The following DRAXIN variants were observed in gnomAD, a reference collection of about 807,000 sequenced individuals.
DRAXIN encodes dorsal inhibitory axon guidance protein, also known as dorsal repulsive axon guidance protein.
DRAXIN carries 27 observed loss-of-function variants against 33.9 expected under a neutral mutation model. That is an observed-to-expected ratio of 0.80 (90% CI 0.59 to 1.10). DRAXIN has a LOEUF of 1.10. Among genes scored for constraint, DRAXIN ranks in the 50% least tolerant of loss-of-function variants. The pLI, the probability that DRAXIN is intolerant of heterozygous loss-of-function variation, is 0.00. For missense variants in DRAXIN, 371 were observed against 460.8 expected, an observed-to-expected ratio of 0.81 and a Z score of 1.78; for synonymous variants, 178 against 194.0, an observed-to-expected ratio of 0.92 and a Z score of 0.69.
chr1:11,706,817 G>A lies in DRAXIN; in HGVS notation c.451+108G>A, dbSNP rs1641391164. 1 of 1,288,764 alleles carries A rather than the reference G, an allele frequency of 7.8e-7. No individual in the cohort carries two copies. Among genetic ancestry groups the A allele is most frequent in the African/African-American group, 1.5e-5 (1 of 67,006 alleles). The allele number at this position is 1,288,764 out of a possible 1,614,324, so 79.8% of individuals were successfully genotyped here. A position where few individuals can be genotyped will look rare whatever the true frequency, so the allele number is the denominator to read the frequency against. ...TCAGGGGCATGAGGTCCAGAGGAGAGGAGGGGTCTCACTGAAGCCAGAGGG... is the reference window on the plus strand; with the variant it reads ...TCAGGGGCATGAGGTCCAGAGGAGAAGAGGGGTCTCACTGAAGCCAGAGGG... On this transcript the variant is annotated intron_variant, in intron 2 of 6. Transcript: ENST00000294485. This position sits in a 1 kb window ranked among gnomAD's most constrained non-coding sequence, Gnocchi z 5.5.
chr1:11,693,965 A>AGT (rs1641150076), intron 1 of DRAXIN, among the ~76,000 whole-genome samples: 1 of 152,082 alleles, frequency 6.6e-6, no homozygotes, highest in African/African-American at 2.4e-5. Flanking sequence ...AGAACTGACC[A>AGT]TCTCCACAGT....
chr1:11,719,783 G>T lies in DRAXIN; in HGVS notation c.*87G>T. The T allele has an allele frequency of 8.4e-7, 1 of 1,190,670 alleles. No homozygotes were observed. Among genetic ancestry groups the T allele is most frequent in the East Asian group, 2.6e-5 (1 of 39,140 alleles). 73.8% of individuals were successfully genotyped at this position (1,190,670 alleles called of 1,614,324 possible). Reference sequence around the variant, plus strand: ...AACTAGCAGTGGGAGATCAAGTTGGGGAACAGATGGCTGAGGCTGCAGACT... The same window carrying T: ...AACTAGCAGTGGGAGATCAAGTTGGTGAACAGATGGCTGAGGCTGCAGACT... On this transcript the variant is annotated 3_prime_UTR_variant, in exon 7 of 7. Transcript: ENST00000294485.
rs1459363562 is a variant in DRAXIN, at chr1:11,692,316, C to T, written c.-11+463C>T. ...CGTTGGAAGAAGTCTTCGAAGACTCCCTGAGCCCCGGGCAGAGCTGGCGGG... is the reference window on the plus strand; with the variant it reads ...CGTTGGAAGAAGTCTTCGAAGACTCTCTGAGCCCCGGGCAGAGCTGGCGGG... On this transcript the variant is annotated intron_variant, in intron 1 of 6. Transcript: ENST00000294485. This position sits in a 1 kb window ranked among gnomAD's most constrained non-coding sequence, Gnocchi z 5.8. Among the ~76,000 whole-genome samples, 1 of 152,148 alleles carries T rather than the reference C, an allele frequency of 6.6e-6. No individual in the cohort carries two copies. The highest frequency in any genetic ancestry group is 2.4e-5 in the African/African-American group (1 of 41,452).
rs954713694 is a variant in DRAXIN, at chr1:11,724,389, C to G, written c.*4693C>G. 1 of 152,370 alleles carries G rather than the reference C, an allele frequency of 6.6e-6. No individual in the cohort carries two copies. The highest frequency in any genetic ancestry group is 2.4e-5 in the African/African-American group (1 of 41,464). The allele number at this position is 152,370 out of a possible 1,614,324, so 9.4% of individuals were successfully genotyped here. A position where few individuals can be genotyped will look rare whatever the true frequency, so the allele number is the denominator to read the frequency against. ...ATCCCAGGAATACCTGCTGTTCCCA[C>G]AGGGCTGCCTTTCCGTAGTTTGTCT... On this transcript the variant is annotated 3_prime_UTR_variant, in exon 7 of 7. Transcript: ENST00000294485.
At chr1:11,708,199 G>A (rs1641421040) in intron 2 of DRAXIN, among the ~76,000 whole-genome samples, 1 of 152,248 alleles carries the variant, frequency 6.6e-6, no homozygotes, top group African/African-American at 2.4e-5. Flanking sequence ...GCTGGGCTCC[G>A]GCTCCGCCAG....
At chr1:11,700,803 T>C (rs1002362461) in intron 1 of DRAXIN, among the ~76,000 whole-genome samples, 4 of 152,188 alleles carry the variant, frequency 2.6e-5, no homozygotes, top group Non-Finnish European at 5.9e-5. Flanking sequence ...GGGACCCGCC[T>C]TGGCCAGCCA....
intron 1 of DRAXIN, among the ~76,000 whole-genome samples, chr1:11,699,178 A>G (rs980142413): frequency 6.6e-6 from 1 of 152,158 alleles, no homozygotes; most frequent in Non-Finnish European, 1.5e-5. Context: ...ACCTAATCCA[A>G]TGGCCCAGTG....
intron 3 of DRAXIN, among the ~76,000 whole-genome samples, chr1:11,711,290 G>A (rs1191045528): frequency 6.6e-6 from 1 of 152,244 alleles, no homozygotes; most frequent in East Asian, 1.9e-4. Flanking sequence ...CAGCCTAGAA[G>A]GTGCGGTTCC....
At chr1:11,689,023 C>A (rs1369953077), upstream of DRAXIN, among the ~76,000 whole-genome samples, 1 of 152,186 alleles carries the variant, frequency 6.6e-6, no homozygotes, top group Admixed American at 6.5e-5. Context: ...AGGCCAGGCA[C>A]ACTGGCTTAC....
chr1:11,693,277 C>T lies in DRAXIN; in HGVS notation c.-11+1424C>T, dbSNP rs114794348. On this transcript the variant is annotated intron_variant, in intron 1 of 6. Coordinates refer to ENST00000294485, the MANE Select transcript of DRAXIN (RefSeq NM_198545.4). ...CAACAACTGATCACCCATCAGAAGG[C>T]GTCCGGTGACTCACCCCCAATTCTG... Among the ~76,000 whole-genome samples the T allele has an allele frequency of 5.0e-3, 762 of 152,134 alleles. 7 individuals carry two copies. The highest frequency in any genetic ancestry group is 0.017 in the African/African-American group (726 of 41,500).
In DRAXIN at chr1:11,706,430, C is replaced by A. The variant is rs533314493; in HGVS notation, c.172C>A (p.Arg58Ser). ...ALWTPQASHHRRRGPGKKEWG... is the reference protein window; with the variant it reads ...ALWTPQASHHSRRGPGKKEWG... ...GTGGACGCCTCAGGCCAGCCACCACCGCCGGCGGGGCCCGGGCAAGAAGGA... is the reference window on the plus strand; with the variant it reads ...GTGGACGCCTCAGGCCAGCCACCACAGCCGGCGGGGCCCGGGCAAGAAGGA... The change falls in exon 2 of 7, where the codon CGC becomes AGC. Residue 58 changes from arginine to serine, a missense_variant. Transcript: ENST00000294485. The surrounding 1 kb of genome is among the most constrained non-coding windows in gnomAD (Gnocchi z 5.5). 8 of 1,611,888 alleles carry A rather than the reference C, an allele frequency of 5.0e-6. No homozygotes were observed. The highest frequency in any genetic ancestry group is 5.1e-6 in the Non-Finnish European group (6 of 1,179,522).
chr1:11,706,825 CT>C lies in DRAXIN; in HGVS notation c.451+117del. On this transcript the variant is annotated intron_variant, in intron 2 of 6. Coordinates refer to ENST00000294485, the MANE Select transcript of DRAXIN (RefSeq NM_198545.4). The surrounding 1 kb of genome is among the most constrained non-coding windows in gnomAD (Gnocchi z 5.5). ...ATGAGGTCCAGAGGAGAGGAGGGGT[CT>C]CACTGAAGCCAGAGGGACCTGGTAA... is the stretch of plus-strand genomic sequence containing the variant. 8.3e-7 allele frequency: 1 copy of C among 1,208,242 alleles called. No individual in the cohort carries two copies. The highest frequency in any genetic ancestry group is 1.1e-6 in the Non-Finnish European group (1 of 897,572). 74.8% of individuals were successfully genotyped at this position (1,208,242 alleles called of 1,614,324 possible).
intron 1 of DRAXIN, among the ~76,000 whole-genome samples, chr1:11,700,856 C>G (rs1464281999): frequency 6.6e-6 from 1 of 152,214 alleles, no homozygotes; most frequent in East Asian, 1.9e-4. Context: ...GAAGGCCGAT[C>G]AGCGCCGCAG....
In DRAXIN at chr1:11,720,251, T is replaced by G. The variant is rs965515965; in HGVS notation, c.*555T>G. 6.5e-6 allele frequency: 1 copy of G among 155,024 alleles called. No homozygotes were observed. Among genetic ancestry groups the G allele is most frequent in the Non-Finnish European group, 1.4e-5 (1 of 69,402 alleles). 9.6% of individuals were successfully genotyped at this position (155,024 alleles called of 1,614,324 possible). A position where few individuals can be genotyped will look rare whatever the true frequency, so the allele number is the denominator to read the frequency against. ...CGACTTGCCCAGGGTCCCAGGTCAG[T>G]GCTCCTCAAACCTGAACATGCTAAG... On this transcript the variant is annotated 3_prime_UTR_variant, in exon 7 of 7. Transcript: ENST00000294485.
chr1:11,693,749 C>T (rs1641142168), intron 1 of DRAXIN, among the ~76,000 whole-genome samples: 1 of 152,170 alleles, frequency 6.6e-6, no homozygotes, highest in African/African-American at 2.4e-5. Flanking sequence ...AAAGCCAGCT[C>T]AGAGGCTTGG....
chr1:11,716,602 G>A (rs77901166), intron 6 of DRAXIN, among the ~76,000 whole-genome samples: 2,182 of 152,290 alleles, frequency 0.014, 37 homozygotes, highest in African/African-American at 0.041. Flanking sequence ...ATGATGGAGC[G>A]AGACCCTGTC....
At position 11,694,170 on chromosome 1, in the gene DRAXIN, G is replaced by T. The variant is rs1387063836; in HGVS notation, c.-11+2317G>T. Among the ~76,000 whole-genome samples, 1 of 152,102 alleles carries T rather than the reference G, an allele frequency of 6.6e-6. No homozygotes were observed. Among genetic ancestry groups the T allele is most frequent in the Admixed American group, 6.6e-5 (1 of 15,264 alleles). ...GGAGGGGTCTGCTCCTCCCTGGGTG[G>T]GGGCTGGGTCTCCTTCTGCTTGTGG... On this transcript the variant is annotated intron_variant, in intron 1 of 6. Transcript: ENST00000294485. This position sits in a 1 kb window ranked among gnomAD's most constrained non-coding sequence, Gnocchi z 4.9.
chr1:11,702,604 T>C (rs1479806860), intron 1 of DRAXIN, among the ~76,000 whole-genome samples: 1 of 147,724 alleles, frequency 6.8e-6, no homozygotes, highest in African/African-American at 2.5e-5. Context: ...TATTCACGCT[T>C]ACACATGATC....
Position 11,694,653 on chromosome 1 carries a change from G to T in DRAXIN, c.-11+2800G>T, listed in dbSNP as rs531449166. ...CAGAGGCATGAGCATGTTCCTGGGGGGCAGGTCATAGGAGCACCCCTGTTC... is the reference window on the plus strand; with the variant it reads ...CAGAGGCATGAGCATGTTCCTGGGGTGCAGGTCATAGGAGCACCCCTGTTC... On this transcript the variant is annotated intron_variant, in intron 1 of 6. Coordinates refer to ENST00000294485, the MANE Select transcript of DRAXIN (RefSeq NM_198545.4). The surrounding 1 kb of genome is among the most constrained non-coding windows in gnomAD (Gnocchi z 4.9). 1.4e-4 allele frequency among the ~76,000 whole-genome samples: 22 copies of T among 152,002 alleles called. No individual in the cohort carries two copies. Among genetic ancestry groups the T allele is most frequent in the Non-Finnish European group, 2.6e-4 (18 of 67,976 alleles).
Sources: allele counts gnomAD v4.1 joint callset (sites outside exome capture counted in the v4.1 genomes callset), GRCh38; gene constraint gnomAD v4.1.1; non-coding constraint Gnocchi (gnomAD v3.1); transcripts MANE v1.5; gene names NCBI Gene and HGNC (gene_info 2026-07-23, HGNC 2026-07-21).